Variants in CTH observed in about 807,000 individuals in gnomAD.
The protein encoded by CTH is cystathionase (cystathionine gamma-lyase).
Under a neutral mutation model 50.6 loss-of-function variants are expected in CTH, and 41 were observed. The ratio of observed to expected loss-of-function variants is 0.81; its 90% CI spans 0.63 to 1.05. CTH has a LOEUF of 1.05. Ranked by LOEUF, CTH falls within the 50% of genes least tolerant of loss-of-function variation. The pLI is 0.00. For missense variants in CTH, 470 were observed against 492.6 expected (o/e 0.95, Z 0.43); for synonymous variants, 156 against 168.9 (o/e 0.92, Z 0.59).
intron 3 of CTH, among the ~76,000 whole-genome samples, 187 bp downstream of exon 3, chr1:70,418,219 C>T (rs924905784): frequency 2.0e-5 from 3 of 152,112 alleles, no homozygotes; most frequent in Non-Finnish European, 4.4e-5. Context: ...GGTCCATGTT[C>T]TGGAACTGCT....
chr1:70,416,567 T>G (rs560349018), intron 2 of CTH, among the ~76,000 whole-genome samples: 376 of 149,294 alleles, frequency 2.5e-3, no homozygotes, highest in South Asian at 7.7e-3. Context: ...TAATTTTTTT[T>G]TTTTTTTTTT....
At chr1:70,414,867 T>C (rs1684055724) in intron 1 of CTH, among the ~76,000 whole-genome samples, 1 of 152,112 alleles carries the variant, frequency 6.6e-6, no homozygotes, top group African/African-American at 2.4e-5. Flanking sequence ...TTGGCCAGCC[T>C]GGAGTGCAGT....
At chr1:70,432,547 A>G (rs946374806) in intron 8 of CTH, among the ~76,000 whole-genome samples, 19 of 152,304 alleles carry the variant, frequency 1.2e-4, no homozygotes, top group African/African-American at 4.6e-4. Flanking sequence ...TTTTAACATT[A>G]GACTTTTCAG....
At chr1:70,419,730 G>T (rs1295265516) in intron 3 of CTH, among the ~76,000 whole-genome samples, 3 of 152,116 alleles carry the variant, frequency 2.0e-5, no homozygotes, top group Admixed American at 2.0e-4. Flanking sequence ...CCATTCCAAA[G>T]AAATTAAATG....
intron 4 of CTH, among the ~76,000 whole-genome samples, chr1:70,422,364 A>C (rs890322194): frequency 4.6e-5 from 7 of 152,222 alleles, no homozygotes; most frequent in Non-Finnish European, 1.0e-4. Flanking sequence ...TTCTGTGTGG[A>C]TAAAAGAAGG....
At chr1:70,427,512 TA>T (rs1298176590) in intron 5 of CTH, among the ~76,000 whole-genome samples, 4 of 152,320 alleles carry the variant, frequency 2.6e-5, no homozygotes, top group African/African-American at 9.6e-5. Flanking sequence ...CTGTAGAGTT[TA>T]CAGAATGTTA....
At chr1:70,422,925 C>T (rs1227013812) in intron 4 of CTH, among the ~76,000 whole-genome samples, 5 of 151,986 alleles carry the variant, frequency 3.3e-5, no homozygotes, top group African/African-American at 1.2e-4. Context: ...CTGAATCTTT[C>T]TAAGGGAGGA....
At chr1:70,411,681 T>G (rs1683968792) in intron 1 of CTH, 98 bp downstream of exon 1, 1 of 1,506,168 alleles carries the variant, frequency 6.6e-7, no homozygotes, top group African/African-American at 1.4e-5. Flanking sequence ...ATATGACTTA[T>G]AAATTAGGAA....
chr1:70,433,659 C>T (rs1684529468), intron 8 of CTH, among the ~76,000 whole-genome samples, 169 bp from the exon 9 acceptor site: 1 of 152,072 alleles, frequency 6.6e-6, no homozygotes, highest in Admixed American at 6.6e-5. Flanking sequence ...GATGAGGCAA[C>T]ATGAAGCTGG....
intron 6 of CTH, 93 bp downstream of exon 6, chr1:70,429,944 A>G (rs2101750134): frequency 1.1e-6 from 1 of 933,604 alleles, no homozygotes; most frequent in East Asian, 2.4e-5. Flanking sequence ...TATTTTGTAG[A>G]TTATTTCCTG....
At chr1:70,426,411 T>C (rs748874980) in intron 5 of CTH, among the ~76,000 whole-genome samples, 4 of 152,232 alleles carry the variant, frequency 2.6e-5, no homozygotes, top group Non-Finnish European at 4.4e-5. Context: ...GCTCTTCAAT[T>C]GGGCAGATGT....
At chr1:70,424,027 C>T (rs17131302) in intron 4 of CTH, among the ~76,000 whole-genome samples, 3,230 of 152,214 alleles carry the variant, frequency 0.021, 122 homozygotes, top group African/African-American at 0.074. Flanking sequence ...TTTACATGTA[C>T]GTTATCTCAC....
rs780392655 is a variant in CTH at position 70,438,655 on chromosome 1, A to G, written c.1053-33A>G. On this transcript the variant is annotated intron_variant, in intron 10 of 11. Transcript: ENST00000370938. Reference sequence around the variant, plus strand: ...AAACATGCCTCCACTGACACAATATAGTGATCAAAAATTTGCTCATGTCTT... The same window carrying G: ...AAACATGCCTCCACTGACACAATATGGTGATCAAAAATTTGCTCATGTCTT... The G allele has an allele frequency of 3.7e-6, 6 of 1,613,294 alleles. No individual in the cohort carries two copies. The African/African-American group carries it at 5.3e-5, about 14-fold the overall frequency.
Position 70,411,505 on chromosome 1 carries a change from G to A in CTH, c.90G>A (p.Glu30=). The stretch of plus-strand genomic sequence containing the variant: ...CGATCCATGTGGGCCAGGATCCAGA[G>A]CAATGGACCTCCAGGGCTGTAGTGC... ...TQAIHVGQDP[E]QWTSRAVVPP... The change falls in exon 1 of 12, where the codon GAG becomes GAA. Residue 30 remains glutamate, a synonymous_variant. Coordinates refer to ENST00000370938, the MANE Select transcript of CTH (RefSeq NM_001902.6). The A allele has an allele frequency of 6.2e-7, 1 of 1,614,192 alleles. No individual in the cohort carries two copies.
In CTH at chr1:70,430,288, T is replaced by C. The variant is rs151321196; in HGVS notation, c.647-29T>C. ...CATAAATTGTTTCTAACTGAAATTT[T>C]TGTTTGTTTGTTTGTTTTTTGTTTT... On this transcript the variant is annotated intron_variant, in intron 6 of 11. Transcript: ENST00000370938. 7,534 of 1,290,054 alleles carry C rather than the reference T, an allele frequency of 5.8e-3. 428 individuals are homozygous for C. The Admixed American group carries it at 0.11, about 18-fold the overall frequency. 79.9% of individuals were successfully genotyped at this position (1,290,054 alleles called of 1,614,324 possible).
chr1:70,413,192 C>A lies in CTH; in HGVS notation c.168+1609C>A, dbSNP rs946056079. Among the ~76,000 whole-genome samples the A allele has an allele frequency of 2.4e-4, 37 of 151,862 alleles. 1 individual carries two copies. The highest frequency in any genetic ancestry group is 8.8e-5 in the Non-Finnish European group (6 of 67,992). ...TACAGTTCTAAGGCCATTTCTACAA[C>A]TGGTTTAGAATACTCTTTACTGTAT... On this transcript the variant is annotated intron_variant, in intron 1 of 11. Coordinates refer to ENST00000370938, the MANE Select transcript of CTH (RefSeq NM_001902.6).
intron 11 of CTH, 111 bp downstream of exon 11, chr1:70,438,937 T>A: frequency 6.2e-7 from 1 of 1,600,818 alleles, no homozygotes; most frequent in Non-Finnish European, 8.5e-7. Flanking sequence ...ACTCTAAAGC[T>A]TTTCTGTTCC....
intron 5 of CTH, among the ~76,000 whole-genome samples, chr1:70,424,795 G>A (rs4649915): frequency 0.092 from 13,927 of 152,094 alleles, 874 homozygotes; most frequent in East Asian, 0.3. Flanking sequence ...TGGGCGCAGT[G>A]GCGGGTGCCT....
chr1:70,435,308 G>A (rs894391447), intron 10 of CTH, 131 bp downstream of exon 10: 2 of 866,278 alleles, frequency 2.3e-6, no homozygotes, highest in Non-Finnish European at 1.8e-6. Flanking sequence ...TAATCAGAAT[G>A]GACTCTAACC....
Sources: allele counts gnomAD v4.1 joint callset (sites outside exome capture counted in the v4.1 genomes callset), GRCh38; gene constraint gnomAD v4.1.1; transcripts MANE v1.5; gene names NCBI Gene and HGNC (gene_info 2026-07-23, HGNC 2026-07-21).